Variants in KSR1 observed in about 807,000 individuals in gnomAD.
KSR1 encodes the protein kinase suppressor of ras 1.
Under a neutral mutation model 92.9 loss-of-function variants are expected in KSR1, and 35 were observed. That is an observed-to-expected ratio of 0.38 (90% confidence interval 0.29 to 0.50). The LOEUF is 0.50. Among genes scored for constraint, KSR1 ranks in the 20% least tolerant of loss-of-function variants. KSR1 has a pLI of 0.94. For synonymous variants in KSR1, 467 were observed against 472.6 expected, an observed-to-expected ratio of 0.99 and a Z score of 0.15; for missense variants, 972 against 1,158.5, an observed-to-expected ratio of 0.84 and a Z score of 2.34.
chr17:27,600,391 G>A (rs9900267), intron 10 of KSR1, among the ~76,000 whole-genome samples: 1 of 152,098 alleles, frequency 6.6e-6, no homozygotes, highest in South Asian at 2.1e-4. Flanking sequence ...AGTGAGCTGA[G>A]ATTGTGCCAT....
chr17:27,587,679 G>A (rs1346968382), intron 5 of KSR1: 1 of 152,544 alleles, frequency 6.6e-6, no homozygotes, highest in African/African-American at 2.4e-5. Context: ...GGGGGCGTGA[G>A]TTGAATGTGC....
At position 27,456,519 on chromosome 17, in the gene KSR1, G is replaced by A; in HGVS notation, c.-125G>A. 1 of 399,794 alleles carries A rather than the reference G, an allele frequency of 2.5e-6. No homozygotes were observed. Among genetic ancestry groups the A allele is most frequent in the Non-Finnish European group, 4.4e-6 (1 of 229,276 alleles). The allele number at this position is 399,794 out of a possible 1,614,324, so 24.8% of individuals were successfully genotyped here. The stretch of plus-strand genomic sequence containing the variant: ...GGCAGACTCAGCGGCCGGCTCTACC[G>A]GCGTCCCGGCTCGGGCAGCGCCGAG... On this transcript the variant is annotated 5_prime_UTR_variant, in exon 1 of 21. Transcript: ENST00000644974.
chr17:27,585,955 C>A, intron 5 of KSR1: 1 of 461,530 alleles, frequency 2.2e-6, no homozygotes, highest in Non-Finnish European at 3.9e-6. Context: ...CCCTTCCCCA[C>A]CGAGACTCTC....
chr17:27,591,247 A>T (rs959542222), intron 7 of KSR1, among the ~76,000 whole-genome samples: 1 of 152,154 alleles, frequency 6.6e-6, no homozygotes, highest in African/African-American at 2.4e-5. Context: ...GCGATGGTAA[A>T]AACAGGGAGT....
At position 27,617,613 on chromosome 17, in the gene KSR1, C is replaced by T. The variant is rs1364949364; in HGVS notation, c.2627+185C>T. Reference sequence around the variant, plus strand: ...CACGATCTCAGCTCACTGCAGCCTCCGCCTCCTGGGTTCAAGCAATTCTCC... The same window carrying T: ...CACGATCTCAGCTCACTGCAGCCTCTGCCTCCTGGGTTCAAGCAATTCTCC... On this transcript the variant is annotated intron_variant, in intron 19 of 20. Transcript: ENST00000644974. 1.7e-5 allele frequency: 11 copies of T among 640,950 alleles called. No individual in the cohort carries two copies. The South Asian group carries it at 1.8e-4, about 10-fold the overall frequency. The allele number at this position is 640,950 out of a possible 1,614,324, so 39.7% of individuals were successfully genotyped here.
chr17:27,551,395 G>C (rs1231305226), intron 2 of KSR1, among the ~76,000 whole-genome samples: 2 of 151,974 alleles, frequency 1.3e-5, no homozygotes, highest in African/African-American at 2.4e-5. Context: ...CACCCAGTCA[G>C]ATCTCATAAA....
At chr17:27,557,039 C>G (rs559338945) in intron 2 of KSR1, among the ~76,000 whole-genome samples, 44 of 152,312 alleles carry the variant, frequency 2.9e-4, no homozygotes, top group Non-Finnish European at 5.0e-4. Flanking sequence ...ACAGCCTGAT[C>G]CAGGTCTGTG....
chr17:27,551,584 A>G (rs146397944), intron 2 of KSR1, among the ~76,000 whole-genome samples: 106 of 152,132 alleles, frequency 7.0e-4, no homozygotes, highest in Admixed American at 3.3e-3. Flanking sequence ...CCTCTCCCCA[A>G]TATGGAAATC....
At chr17:27,516,613 G>A (rs547659661) in intron 1 of KSR1, among the ~76,000 whole-genome samples, 2 of 151,354 alleles carry the variant, frequency 1.3e-5, no homozygotes, top group Admixed American at 1.3e-4. Context: ...ACTTTGAAAA[G>A]CATGAAAGAA....
chr17:27,532,661 A>G (rs970213004), intron 1 of KSR1, among the ~76,000 whole-genome samples: 9 of 152,152 alleles, frequency 5.9e-5, no homozygotes, highest in African/African-American at 1.7e-4. Context: ...GCAGCTGTGG[A>G]GGAGAGGACT....
chr17:27,529,220 T>C (rs763022419), intron 1 of KSR1, among the ~76,000 whole-genome samples: 38 of 152,342 alleles, frequency 2.5e-4, no homozygotes, highest in Admixed American at 4.6e-4. Flanking sequence ...TACCTTGAGT[T>C]GTTAACTTTC....
At chr17:27,490,129 G>A (rs2068777794) in intron 1 of KSR1, among the ~76,000 whole-genome samples, 1 of 152,202 alleles carries the variant, frequency 6.6e-6, no homozygotes, top group Admixed American at 6.5e-5. Flanking sequence ...TCAGCATCCT[G>A]GTGGGACCTT....
At chr17:27,588,637 T>C in intron 6 of KSR1, 102 bp downstream of exon 6, 1 of 1,056,860 alleles carries the variant, frequency 9.5e-7, no homozygotes, top group Non-Finnish European at 1.3e-6. Flanking sequence ...TCTTTGCCTC[T>C]GACGGGCCTG....
In KSR1 at chr17:27,577,256, C is replaced by T. The variant is rs1223599261; in HGVS notation, c.373-236C>T. Among the ~76,000 whole-genome samples the T allele has an allele frequency of 6.6e-6, 1 of 152,110 alleles. No individual in the cohort carries two copies. ...ATGCCCTCGTCCAAACCTTTCTGGT[C>T]TTTACTTCCTCCCCTCACCCCCCAC... On this transcript the variant is annotated intron_variant, in intron 2 of 20. Coordinates refer to ENST00000644974, the MANE Select transcript of KSR1 (RefSeq NM_001394583.1). The surrounding 1 kb of genome is among the most constrained non-coding windows in gnomAD (Gnocchi z 4.5).
At chr17:27,507,402 T>C (rs1397269859) in intron 1 of KSR1, among the ~76,000 whole-genome samples, 1 of 151,874 alleles carries the variant, frequency 6.6e-6, no homozygotes, top group Non-Finnish European at 1.5e-5. Context: ...CACTGCACTC[T>C]AGCCTGGGTG....
intron 1 of KSR1, among the ~76,000 whole-genome samples, chr17:27,530,698 A>C (rs1385068385): frequency 6.6e-6 from 1 of 152,222 alleles, no homozygotes; most frequent in Non-Finnish European, 1.5e-5. Context: ...AACATTTGGA[A>C]AACACAGAAA....
chr17:27,496,515 C>T (rs2068991002), intron 1 of KSR1, among the ~76,000 whole-genome samples: 1 of 152,198 alleles, frequency 6.6e-6, no homozygotes, highest in Non-Finnish European at 1.5e-5. Context: ...CCTCTTTCCT[C>T]ACCTCTCCCC....
intron 1 of KSR1, among the ~76,000 whole-genome samples, chr17:27,458,924 C>A (rs1310222272): frequency 6.6e-6 from 1 of 152,180 alleles, no homozygotes; most frequent in African/African-American, 2.4e-5. Flanking sequence ...GCTCGAAATT[C>A]TCTAGGTTAG....
chr17:27,580,329 G>C (rs562178133), intron 3 of KSR1, among the ~76,000 whole-genome samples: 114 of 152,346 alleles, frequency 7.5e-4, no homozygotes, highest in African/African-American at 2.5e-3. Context: ...TGGGAGCACA[G>C]GGACTGAGCA....
Sources: allele counts gnomAD v4.1 joint callset (sites outside exome capture counted in the v4.1 genomes callset), GRCh38; gene constraint gnomAD v4.1.1; non-coding constraint Gnocchi (gnomAD v3.1); transcripts MANE v1.5; gene names NCBI Gene and HGNC (gene_info 2026-07-23, HGNC 2026-07-21).